The following SPPL3 variants were observed in gnomAD, a reference collection of about 807,000 sequenced individuals.
SPPL3 encodes signal peptide peptidase like 3.
In SPPL3, 5 loss-of-function variants were observed where a neutral mutation model predicts 42.4. The ratio of observed to expected loss-of-function variants is 0.12; its 90% CI spans 0.06 to 0.25. The LOEUF is 0.25. SPPL3 is among the 10% of genes least tolerant of loss of function. The pLI is 1.00. For synonymous variants in SPPL3, 195 were observed against 181.8 expected, an observed-to-expected ratio of 1.07 and a Z score of -0.58; for missense variants, 235 against 489.0, an observed-to-expected ratio of 0.48 and a Z score of 4.90.
chr12:120,871,517 C>T, intron 1 of SPPL3, among the ~76,000 whole-genome samples: 1 of 152,030 alleles, frequency 6.6e-6, no homozygotes, highest in East Asian at 1.9e-4. Flanking sequence ...TTTTGGGAGG[C>T]TGAGATGAGT....
intron 1 of SPPL3, among the ~76,000 whole-genome samples, chr12:120,891,072 T>G (rs1405368963): frequency 6.6e-6 from 1 of 152,222 alleles, no homozygotes; most frequent in Non-Finnish European, 1.5e-5. Flanking sequence ...TGCCTCCTTT[T>G]TCCACTTCAT....
chr12:120,799,742 C>A (rs1870225658), intron 2 of SPPL3, among the ~76,000 whole-genome samples: 1 of 152,106 alleles, frequency 6.6e-6, no homozygotes, highest in Non-Finnish European at 1.5e-5. Context: ...AGAAATGGGG[C>A]ACAGTGAGTT....
At chr12:120,768,701 C>A in intron 7 of SPPL3, 1 of 654,900 alleles carries the variant, frequency 1.5e-6, no homozygotes, top group Non-Finnish European at 2.6e-6. Flanking sequence ...GGGGTGGCCC[C>A]CACTGCAGCG....
At chr12:120,826,488 G>A (rs892032670) in intron 1 of SPPL3, among the ~76,000 whole-genome samples, 3 of 152,070 alleles carry the variant, frequency 2.0e-5, no homozygotes, top group Non-Finnish European at 4.4e-5. Context: ...CCCTTGACAC[G>A]GATCACCTCC....
intron 1 of SPPL3, among the ~76,000 whole-genome samples, chr12:120,887,358 GGTA>G (rs1228041011): frequency 6.6e-6 from 1 of 152,052 alleles, no homozygotes; most frequent in Non-Finnish European, 1.5e-5. Flanking sequence ...CTCTAGAAAA[GGTA>G]GTATTTTACA....
At chr12:120,788,008 T>C (rs141197368) in intron 3 of SPPL3, among the ~76,000 whole-genome samples, 1 of 152,210 alleles carries the variant, frequency 6.6e-6, no homozygotes, top group Non-Finnish European at 1.5e-5. Context: ...TGTGACTGTA[T>C]TTGCTGGATA....
intron 4 of SPPL3, chr12:120,784,078 T>C: frequency 3.7e-6 from 1 of 272,722 alleles, no homozygotes; most frequent in East Asian, 7.9e-5. Context: ...GAGCTGACAG[T>C]CCAATCACTT....
At chr12:120,871,130 C>CAAAAGAAAAA (rs1872908092) in intron 1 of SPPL3, among the ~76,000 whole-genome samples, 1 of 51,686 alleles carries the variant, frequency 1.9e-5, no homozygotes. Flanking sequence ...ACTCCGTCTC[C>CAAAAGAAAAA]AAAAAAAAAA....
At chr12:120,824,162 A>G (rs1364229403) in intron 1 of SPPL3, among the ~76,000 whole-genome samples, 2 of 152,090 alleles carry the variant, frequency 1.3e-5, no homozygotes, top group African/African-American at 2.4e-5. Flanking sequence ...GAGCCACTGC[A>G]CCCAGCCCAC....
intron 6 of SPPL3, among the ~76,000 whole-genome samples, chr12:120,770,981 G>A (rs1028152828): frequency 5.9e-5 from 9 of 152,090 alleles, no homozygotes; most frequent in East Asian, 1.9e-4. Context: ...TTGTGCAGAC[G>A]GAAATCTGTG....
chr12:120,785,399 A>C (rs1365976988), intron 3 of SPPL3, among the ~76,000 whole-genome samples: 1 of 152,276 alleles, frequency 6.6e-6, no homozygotes, highest in East Asian at 1.9e-4. Context: ...AAAAAATTAC[A>C]AAGCCCAGGT....
chr12:120,849,713 A>T (rs1872162309), intron 1 of SPPL3, among the ~76,000 whole-genome samples: 1 of 152,118 alleles, frequency 6.6e-6, no homozygotes, highest in Admixed American at 6.5e-5. Context: ...TGTAGTCTTT[A>T]CCTTTTGGGA....
chr12:120,878,501 G>C (rs562125871), intron 1 of SPPL3, among the ~76,000 whole-genome samples: 2 of 152,104 alleles, frequency 1.3e-5, no homozygotes, highest in Non-Finnish European at 2.9e-5. Context: ...CAAGCTAAAC[G>C]CTAATGGGCT....
chr12:120,892,721 G>A (rs929545423), intron 1 of SPPL3, among the ~76,000 whole-genome samples: 10 of 152,104 alleles, frequency 6.6e-5, no homozygotes, highest in Admixed American at 3.3e-4. Flanking sequence ...GGTGGCTCAC[G>A]CCTGTAATCC....
chr12:120,783,569 G>T, intron 5 of SPPL3, 105 bp downstream of exon 5: 1 of 1,075,930 alleles, frequency 9.3e-7, no homozygotes, highest in Non-Finnish European at 1.3e-6. Context: ...TGGCATTTCT[G>T]TGCTCCAGCC....
At chr12:120,868,301 A>G (rs1872818654) in intron 1 of SPPL3, among the ~76,000 whole-genome samples, 1 of 152,114 alleles carries the variant, frequency 6.6e-6, no homozygotes, top group Non-Finnish European at 1.5e-5. Context: ...GGTATCTGAT[A>G]AAGTGGAGTA....
At chr12:120,767,693 T>C in intron 8 of SPPL3, 100 bp from the exon 9 acceptor site, 1 of 1,168,686 alleles carries the variant, frequency 8.6e-7, no homozygotes, top group Non-Finnish European at 1.2e-6. Context: ...TCAAAGAGCT[T>C]ATCTGCATGG....
chr12:120,882,943 A>T (rs933516797), intron 1 of SPPL3, among the ~76,000 whole-genome samples: 2 of 151,904 alleles, frequency 1.3e-5, no homozygotes, highest in Non-Finnish European at 2.9e-5. Context: ...GAAAGCAGGG[A>T]CTATTTTATC....
intron 1 of SPPL3, among the ~76,000 whole-genome samples, chr12:120,822,511 A>C (rs1487019750): frequency 2.0e-5 from 3 of 152,200 alleles, no homozygotes; most frequent in Non-Finnish European, 4.4e-5. Context: ...CTACAGATTG[A>C]CATTTAGTTA....
Sources: allele counts gnomAD v4.1 joint callset (sites outside exome capture counted in the v4.1 genomes callset), GRCh38; gene constraint gnomAD v4.1.1; transcripts MANE v1.5; gene names NCBI Gene and HGNC (gene_info 2026-07-23, HGNC 2026-07-21).